CTNNA2: variants seen among roughly 807,000 people sequenced by gnomAD.
CTNNA2 encodes catenin alpha 2.
In CTNNA2, 42 loss-of-function variants were observed where a neutral mutation model predicts 101.0. The ratio of observed to expected loss-of-function variants is 0.42; its 90% CI spans 0.32 to 0.54. The LOEUF (loss-of-function observed/expected upper bound fraction) is 0.54, where lower values mean the gene tolerates loss of function less well. Among genes scored for constraint, CTNNA2 ranks in the 20% least tolerant of loss-of-function variants. The pLI is 0.14. For synonymous variants in CTNNA2, 450 were observed against 456.4 expected (o/e 0.99, Z 0.18); for missense variants, 871 against 1,223.1 (o/e 0.71, Z 4.29).
chr2:79,565,723 T>C (rs917029585), intron 1 of CTNNA2, among the ~76,000 whole-genome samples: 1 of 152,080 alleles, frequency 6.6e-6, no homozygotes, highest in East Asian at 1.9e-4. Flanking sequence ...TTATTTTGTA[T>C]AGTAAACAAG....
chr2:79,932,851 G>A (rs11884847), intron 7 of CTNNA2, among the ~76,000 whole-genome samples: 8,123 of 152,092 alleles, frequency 0.053, 749 homozygotes, highest in African/African-American at 0.19. Context: ...ATTTCATGCC[G>A]TGGTCATGAC....
At chr2:80,379,336 A>C (rs1048166821) in intron 7 of CTNNA2, among the ~76,000 whole-genome samples, 2 of 152,216 alleles carry the variant, frequency 1.3e-5, no homozygotes, top group Non-Finnish European at 2.9e-5. Context: ...AATAACAGTC[A>C]AAGAATTTGG....
chr2:80,633,290 T>C (rs1365068421), intron 18 of CTNNA2, among the ~76,000 whole-genome samples: 1 of 152,208 alleles, frequency 6.6e-6, no homozygotes, highest in Non-Finnish European at 1.5e-5. Flanking sequence ...TTGTATTTAA[T>C]TGTATTTAAT....
At chr2:79,906,548 C>A (rs945941450) in intron 6 of CTNNA2, among the ~76,000 whole-genome samples, 2 of 152,170 alleles carry the variant, frequency 1.3e-5, no homozygotes, top group Non-Finnish European at 2.9e-5. Flanking sequence ...AGCTTTTCCA[C>A]TGTGATCTGT....
Position 80,545,881 on chromosome 2 carries a change from G to A in CTNNA2, c.1384-26G>A, listed in dbSNP as rs368510834. The stretch of plus-strand genomic sequence containing the variant: ...CTCTTTTGAAGTGTGTGGTCATCAT[G>A]TCCCTGGATTGTTTCCAACAAATAG... On this transcript the variant is annotated intron_variant, in intron 10 of 18. Transcript: ENST00000402739. The A allele has an allele frequency of 3.1e-6, 5 of 1,610,006 alleles. No individual in the cohort carries two copies. In the African/African-American group the frequency reaches 6.7e-5, roughly 22 times the overall value.
intron 7 of CTNNA2, among the ~76,000 whole-genome samples, chr2:80,099,479 T>C (rs748418279): frequency 3.9e-5 from 6 of 152,126 alleles, no homozygotes; most frequent in Non-Finnish European, 7.4e-5. Context: ...CGAGAAACAA[T>C]TGAAGCAACC....
intron 2 of CTNNA2, among the ~76,000 whole-genome samples, chr2:79,247,637 GTTA>G (rs1315727900): frequency 2.6e-5 from 4 of 152,182 alleles, no homozygotes; most frequent in African/African-American, 9.6e-5. Context: ...AATAATGTCA[GTTA>G]TTATCAATAG....
At chr2:80,411,057 A>C (rs1051673134) in intron 8 of CTNNA2, among the ~76,000 whole-genome samples, 3 of 152,222 alleles carry the variant, frequency 2.0e-5, no homozygotes, top group African/African-American at 7.2e-5. Context: ...CATAATTACC[A>C]TATCAAAGCG....
At chr2:79,975,532 G>A (rs1391683064) in intron 7 of CTNNA2, among the ~76,000 whole-genome samples, 1 of 152,060 alleles carries the variant, frequency 6.6e-6, no homozygotes, top group Non-Finnish European at 1.5e-5. Context: ...AGTCCCATGA[G>A]GCTGTCCCTC....
intron 7 of CTNNA2, among the ~76,000 whole-genome samples, chr2:80,040,094 A>G (rs1017884580): frequency 3.3e-5 from 5 of 152,182 alleles, no homozygotes; most frequent in African/African-American, 1.2e-4. Context: ...ATTGGACCAA[A>G]CTCTGGCAGT....
At chr2:80,075,697 CTTGTAT>C (rs1558783795) in intron 7 of CTNNA2, among the ~76,000 whole-genome samples, 807 of 77,196 alleles carry the variant, frequency 0.01, 15 homozygotes, top group Middle Eastern at 0.027. Context: ...AATATTTATA[CTTGTAT>C]AAATATTATA....
chr2:79,439,834 A>G (rs554275462), intron 4 of CTNNA2, among the ~76,000 whole-genome samples: 1 of 152,268 alleles, frequency 6.6e-6, no homozygotes, highest in African/African-American at 2.4e-5. Flanking sequence ...TGGGTGGGGC[A>G]ATATGTTTTA....
chr2:80,589,713 A>G (rs894072625), intron 15 of CTNNA2, among the ~76,000 whole-genome samples: 1 of 152,198 alleles, frequency 6.6e-6, no homozygotes, highest in Non-Finnish European at 1.5e-5. Context: ...TTGTTGTTAT[A>G]ATTATCTACC....
At chr2:80,383,175 T>C (rs1014861667) in intron 7 of CTNNA2, among the ~76,000 whole-genome samples, 2 of 152,192 alleles carry the variant, frequency 1.3e-5, no homozygotes, top group Admixed American at 1.3e-4. Context: ...ACTACACCTG[T>C]GTTGATAAAA....
chr2:80,208,327 A>T lies in CTNNA2; in HGVS notation c.1057-184884A>T, dbSNP rs115376945. ...TTGGTTATGTGCAACTGTTAAATAT[A>T]GATGGATAAATAGATGGGTGGATAG... On this transcript the variant is annotated intron_variant, in intron 7 of 18. Transcript: ENST00000402739. Among the ~76,000 whole-genome samples the T allele has an allele frequency of 5.5e-3, 831 of 152,348 alleles. 10 individuals carry two copies. Among genetic ancestry groups the T allele is most frequent in the African/African-American group, 0.019 (788 of 41,582 alleles).
chr2:80,502,366 C>T (rs1208175225), intron 9 of CTNNA2, among the ~76,000 whole-genome samples: 1 of 152,142 alleles, frequency 6.6e-6, no homozygotes, highest in Non-Finnish European at 1.5e-5. Context: ...TTTGTGGAAA[C>T]AGAAAGTCCT....
intron 4 of CTNNA2, among the ~76,000 whole-genome samples, chr2:79,419,850 C>T (rs1343064576): frequency 2.6e-5 from 4 of 152,168 alleles, no homozygotes; most frequent in East Asian, 3.9e-4. Flanking sequence ...ATGACCCCAC[C>T]CTTTGTCTTA....
intron 15 of CTNNA2, among the ~76,000 whole-genome samples, chr2:80,598,473 A>G (rs1004448679): frequency 6.6e-6 from 1 of 152,214 alleles, no homozygotes; most frequent in Middle Eastern, 3.4e-3. Context: ...AAAAAAAAAA[A>G]GAATCTCAAA....
chr2:80,154,532 A>G (rs1334253357), intron 7 of CTNNA2, among the ~76,000 whole-genome samples: 1 of 150,596 alleles, frequency 6.6e-6, no homozygotes, highest in African/African-American at 2.5e-5. Context: ...ACATTAAGGC[A>G]ATTTTCTTAG....
Sources: gnomAD v4.1 joint callset for allele counts (sites outside exome capture counted in the v4.1 genomes callset) on GRCh38, gnomAD v4.1.1 for gene constraint, MANE v1.5 for transcripts, NCBI Gene and HGNC (gene_info 2026-07-23, HGNC 2026-07-21) for gene names.